Variants in CTNNBIP1 observed in about 807,000 individuals in gnomAD.
The protein encoded by CTNNBIP1 is beta-catenin-interacting protein 1.
CTNNBIP1 carries 7 observed loss-of-function variants against 11.8 expected under a neutral mutation model. The observed-to-expected ratio is 0.60, with a 90% confidence interval of 0.34 to 1.12. The LOEUF (loss-of-function observed/expected upper bound fraction) is 1.12. CTNNBIP1 is among the 50% of genes most tolerant of loss of function. CTNNBIP1 has a pLI of 0.03. For synonymous variants in CTNNBIP1, 58 were observed against 43.9 expected (o/e 1.32, Z -1.26); for missense variants, 101 against 113.4 (o/e 0.89, Z 0.50).
chr1:9,891,885 T>G (rs1639308828), intron 1 of CTNNBIP1, among the ~76,000 whole-genome samples: 1 of 138,852 alleles, frequency 7.2e-6, no homozygotes, highest in Admixed American at 8.4e-5. Flanking sequence ...CACTGCAACC[T>G]CTGCCTTCCA....
rs1639331981 is a variant in CTNNBIP1, at chr1:9,892,679, T to G, written c.-143-8941A>C. Among the ~76,000 whole-genome samples the G allele has an allele frequency of 3.9e-5, 6 of 152,280 alleles. No homozygotes were observed. In the South Asian group the frequency reaches 1.2e-3, roughly 32 times the overall value. ...AGGTATGTGTTAATTTGCATAAAGA[T>G]ATAGGTGTATCTGTTTACTTCGCAA... On this transcript the variant is annotated intron_variant, in intron 1 of 5. Coordinates refer to ENST00000377263, the MANE Select transcript of CTNNBIP1 (RefSeq NM_020248.3).
intron 1 of CTNNBIP1, among the ~76,000 whole-genome samples, chr1:9,884,810 G>A (rs910242034): frequency 1.3e-5 from 2 of 152,116 alleles, no homozygotes; most frequent in Non-Finnish European, 2.9e-5. Flanking sequence ...TGGGCAGCGG[G>A]CCCTTCCTGA....
intron 5 of CTNNBIP1, among the ~76,000 whole-genome samples, chr1:9,863,970 A>G (rs970829288): frequency 1.3e-5 from 2 of 152,212 alleles, no homozygotes; most frequent in Non-Finnish European, 2.9e-5. Context: ...TGATCTACCC[A>G]TGACCACAGA....
chr1:9,897,108 T>G (rs1639423983), intron 1 of CTNNBIP1, among the ~76,000 whole-genome samples: 1 of 150,696 alleles, frequency 6.6e-6, no homozygotes, highest in South Asian at 2.1e-4. Context: ...ATCACTGCAT[T>G]GCACTCCAGC....
Position 9,851,780 on chromosome 1 carries a change from G to T in CTNNBIP1, c.188-1004C>A, listed in dbSNP as rs1221665022. Among the ~76,000 whole-genome samples the T allele has an allele frequency of 1.3e-5, 2 of 152,288 alleles. No homozygotes were observed. Among genetic ancestry groups the T allele is most frequent in the East Asian group, 1.9e-4 (1 of 5,178 alleles). On this transcript the variant is annotated intron_variant, in intron 5 of 5. Coordinates refer to ENST00000377263, the MANE Select transcript of CTNNBIP1 (RefSeq NM_020248.3). This position sits in a 1 kb window ranked among gnomAD's most constrained non-coding sequence, Gnocchi z 4.8. ...CAGGCTCTGATGAGTGGCCAGGACA[G>T]GCAGTGGCAGGAGGGCAAAGCTCGA...
intron 5 of CTNNBIP1, among the ~76,000 whole-genome samples, chr1:9,870,283 A>G (rs1638834433): frequency 6.6e-6 from 1 of 152,242 alleles, no homozygotes; most frequent in South Asian, 2.1e-4. Flanking sequence ...CCAACAAAGC[A>G]TAAAGAGAAT....
intron 1 of CTNNBIP1, among the ~76,000 whole-genome samples, chr1:9,893,781 AG>A (rs1460164936): frequency 6.6e-6 from 1 of 152,228 alleles, no homozygotes; most frequent in African/African-American, 2.4e-5. Flanking sequence ...AAACCAAAAA[AG>A]GCATCAACGC....
chr1:9,902,864 C>G (rs1639549162), intron 1 of CTNNBIP1, among the ~76,000 whole-genome samples: 1 of 152,056 alleles, frequency 6.6e-6, no homozygotes, highest in Non-Finnish European at 1.5e-5. Flanking sequence ...CTCCAGCGTT[C>G]AAGCAATTCT....
At chr1:9,852,086 G>A (rs1310626901) in intron 5 of CTNNBIP1, among the ~76,000 whole-genome samples, 4 of 152,170 alleles carry the variant, frequency 2.6e-5, no homozygotes, top group South Asian at 2.1e-4. Flanking sequence ...AAGGCCACCC[G>A]AGGGTGGGCC....
At chr1:9,862,912 C>T (rs955652384) in intron 5 of CTNNBIP1, among the ~76,000 whole-genome samples, 1 of 152,242 alleles carries the variant, frequency 6.6e-6, no homozygotes, top group African/African-American at 2.4e-5. Flanking sequence ...ATGGAGCAGC[C>T]CTCAATGCCC....
At chr1:9,902,436 A>C (rs1211580240) in intron 1 of CTNNBIP1, among the ~76,000 whole-genome samples, 1 of 152,202 alleles carries the variant, frequency 6.6e-6, no homozygotes, top group African/African-American at 2.4e-5. Flanking sequence ...TTAAGTGGGA[A>C]GGGAGTTCTT....
intron 1 of CTNNBIP1, among the ~76,000 whole-genome samples, chr1:9,904,397 GGA>G (rs1361656175): frequency 6.6e-6 from 1 of 152,200 alleles, no homozygotes; most frequent in African/African-American, 2.4e-5. Context: ...GTCCCACTCT[GGA>G]TTCCTGGTGA....
At chr1:9,876,605 A>G (rs1388532506) in intron 3 of CTNNBIP1, among the ~76,000 whole-genome samples, 1 of 152,224 alleles carries the variant, frequency 6.6e-6, no homozygotes, top group East Asian at 1.9e-4. Flanking sequence ...CGACAGAGTG[A>G]GACTCCATTT....
chr1:9,870,281 G>A (rs183499482), intron 5 of CTNNBIP1, among the ~76,000 whole-genome samples: 1 of 152,366 alleles, frequency 6.6e-6, no homozygotes, highest in East Asian at 1.9e-4. Context: ...TTCCAACAAA[G>A]CATAAAGAGA....
intron 5 of CTNNBIP1, among the ~76,000 whole-genome samples, chr1:9,864,110 T>G (rs984939921): frequency 2.6e-5 from 4 of 152,286 alleles, no homozygotes; most frequent in Middle Eastern, 3.4e-3. Flanking sequence ...TGGGGGAACC[T>G]TCCCTGGAAA....
At position 9,870,139 on chromosome 1, in the gene CTNNBIP1, G is replaced by T. The variant is rs180918805; in HGVS notation, c.187+1048C>A. ...CCCTAAGACATCCAGGAGAACAAGG[G>T]CTGGCTGGTGATCTAGGTCAGGCCC... On this transcript the variant is annotated intron_variant, in intron 5 of 5. Transcript: ENST00000377263. Among the ~76,000 whole-genome samples, 885 of 152,350 alleles carry T rather than the reference G, an allele frequency of 5.8e-3. 3 individuals carry two copies. Among genetic ancestry groups the T allele is most frequent in the Non-Finnish European group, 1.0e-2 (680 of 68,038 alleles).
Position 9,850,619 on chromosome 1 carries a change from G to C in CTNNBIP1, c.*99C>G. On this transcript the variant is annotated 3_prime_UTR_variant, in exon 6 of 6. Transcript: ENST00000377263. ...GGGCAGGGTTGGGTAGGGGAAGGGGGAGGTGGGGCAAGGGGGGCTGCTGCC... is the reference window on the plus strand; with the variant it reads ...GGGCAGGGTTGGGTAGGGGAAGGGGCAGGTGGGGCAAGGGGGGCTGCTGCC... 9.5e-7 allele frequency: 1 copy of C among 1,056,914 alleles called. No homozygotes were observed. The highest frequency in any genetic ancestry group is 1.5e-6 in the Non-Finnish European group (1 of 677,850). 65.5% of individuals were successfully genotyped at this position (1,056,914 alleles called of 1,614,324 possible). A position where few individuals can be genotyped will look rare whatever the true frequency, so the allele number is the denominator to read the frequency against.
At chr1:9,877,302 G>A (rs1350511387) in intron 3 of CTNNBIP1, among the ~76,000 whole-genome samples, 2 of 152,162 alleles carry the variant, frequency 1.3e-5, no homozygotes, top group African/African-American at 4.8e-5. Context: ...AGCTGGCCTC[G>A]CTTTGACAGG....
At chr1:9,862,139 A>G (rs1034653728) in intron 5 of CTNNBIP1, among the ~76,000 whole-genome samples, 4 of 152,186 alleles carry the variant, frequency 2.6e-5, no homozygotes, top group African/African-American at 9.7e-5. Context: ...TGGTTCCCCA[A>G]AATATAAGCT....
Sources: gnomAD v4.1 joint callset for allele counts (sites outside exome capture counted in the v4.1 genomes callset) on GRCh38, gnomAD v4.1.1 for gene constraint, Gnocchi (gnomAD v3.1) non-coding constraint, MANE v1.5 for transcripts, NCBI Gene and HGNC (gene_info 2026-07-23, HGNC 2026-07-21) for gene names.